SHANK2: variants seen among roughly 807,000 people sequenced by gnomAD.
SHANK2 encodes the protein SH3 and multiple ankyrin repeat domains 2.
In SHANK2, 43 loss-of-function variants were observed where a neutral mutation model predicts 133.7. That is an observed-to-expected ratio of 0.32 (90% CI 0.25 to 0.41). The LOEUF is 0.41. SHANK2 is among the 10% of genes least tolerant of loss of function. The pLI is 1.00. For synonymous variants in SHANK2, 1,017 were observed against 952.8 expected, an observed-to-expected ratio of 1.07 and a Z score of -1.24; for missense variants, 1,994 against 2,235.8, an observed-to-expected ratio of 0.89 and a Z score of 2.18.
chr11:70,810,416 C>T (rs559188893), intron 12 of SHANK2, among the ~76,000 whole-genome samples: 1 of 152,352 alleles, frequency 6.6e-6, no homozygotes, highest in South Asian at 2.1e-4. Flanking sequence ...TCACGGCTGT[C>T]TCCTCTCTGG....
chr11:70,510,376 G>A (rs1554969112), intron 17 of SHANK2, among the ~76,000 whole-genome samples: 1 of 152,190 alleles, frequency 6.6e-6, no homozygotes, highest in Non-Finnish European at 1.5e-5. Context: ...GGCAGTGCAG[G>A]CTGGAGGCCA....
intron 17 of SHANK2, among the ~76,000 whole-genome samples, chr11:70,643,517 T>A (rs1019238537): frequency 7.1e-6 from 1 of 140,428 alleles, no homozygotes; most frequent in African/African-American, 2.7e-5. Flanking sequence ...TGAGCTGAGA[T>A]CACGCGCCAC....
intron 17 of SHANK2, among the ~76,000 whole-genome samples, chr11:70,595,843 AC>A (rs2060392271): frequency 6.6e-6 from 1 of 152,260 alleles, no homozygotes; most frequent in African/African-American, 2.4e-5. Context: ...TGATTTGGAC[AC>A]GGGGTCTTTG....
intron 2 of SHANK2, among the ~76,000 whole-genome samples, chr11:71,162,697 T>G (rs1953045405): frequency 6.6e-6 from 1 of 152,120 alleles, no homozygotes; most frequent in Non-Finnish European, 1.5e-5. Flanking sequence ...TCTTCACCTA[T>G]CTATAGCCCA....
chr11:71,110,509 G>A (rs1005282985), intron 5 of SHANK2, among the ~76,000 whole-genome samples: 1 of 152,146 alleles, frequency 6.6e-6, no homozygotes, highest in Non-Finnish European at 1.5e-5. Context: ...GGAGGCTGAG[G>A]CAGGAGGATC....
intron 10 of SHANK2, among the ~76,000 whole-genome samples, chr11:71,055,758 G>A (rs1201339415): frequency 7.3e-6 from 1 of 137,244 alleles, no homozygotes; most frequent in Non-Finnish European, 1.6e-5. Flanking sequence ...GCAAAGTCAT[G>A]AGTGGTTTTC....
chr11:71,185,911 G>A lies in SHANK2; in HGVS notation c.-12-38573C>T, dbSNP rs138438570. Among the ~76,000 whole-genome samples the A allele has an allele frequency of 1.7e-3, 256 of 152,308 alleles. 1 individual carries two copies. The highest frequency in any genetic ancestry group is 6.0e-3 in the African/African-American group (249 of 41,570). On this transcript the variant is annotated intron_variant, in intron 2 of 25. Coordinates refer to ENST00000601538, the MANE Select transcript of SHANK2 (RefSeq NM_012309.5). ...AGCAACCCCAGAGCCTGGAGAGGGA[G>A]GGGGACATTAACAGTCTTGCCTGTC...
intron 2 of SHANK2, among the ~76,000 whole-genome samples, chr11:71,180,893 C>T (rs1397061023): frequency 2.6e-5 from 4 of 152,036 alleles, no homozygotes; most frequent in Non-Finnish European, 4.4e-5. Flanking sequence ...CCAACGCCCA[C>T]GAGGCACAGC....
At chr11:70,749,308 G>A (rs148835261) in intron 14 of SHANK2, among the ~76,000 whole-genome samples, 1 of 152,344 alleles carries the variant, frequency 6.6e-6, no homozygotes, top group East Asian at 1.9e-4. Flanking sequence ...CCCGAAGCAC[G>A]CATGTGTAGG....
intron 6 of SHANK2, among the ~76,000 whole-genome samples, chr11:71,097,750 T>A (rs1174802406): frequency 7.7e-6 from 1 of 129,660 alleles, no homozygotes; most frequent in Non-Finnish European, 1.6e-5. Context: ...CAATGGGGGG[T>A]GGGGTGGGGG....
At chr11:70,496,754 G>A (rs1252732777) in intron 21 of SHANK2, among the ~76,000 whole-genome samples, 7 of 152,246 alleles carry the variant, frequency 4.6e-5, no homozygotes, top group African/African-American at 1.7e-4. Flanking sequence ...GCCATGTGAT[G>A]GGCTGCCCAG....
chr11:71,143,540 T>A (rs1380679304), intron 3 of SHANK2, among the ~76,000 whole-genome samples: 2 of 152,192 alleles, frequency 1.3e-5, no homozygotes, highest in Admixed American at 6.5e-5. Context: ...TGGAATGTCA[T>A]TCTCACATTG....
At chr11:71,074,177 G>A (rs918502049) in intron 9 of SHANK2, among the ~76,000 whole-genome samples, 1 of 152,208 alleles carries the variant, frequency 6.6e-6, no homozygotes, top group Admixed American at 6.5e-5. Context: ...GATGCCCCCT[G>A]CAAGGCCTTC....
chr11:70,500,419 C>T lies in SHANK2; in HGVS notation c.2308+151G>A. On this transcript the variant is annotated intron_variant, in intron 21 of 25. Coordinates refer to ENST00000601538, the MANE Select transcript of SHANK2 (RefSeq NM_012309.5). The surrounding 1 kb of genome is among the most constrained non-coding windows in gnomAD (Gnocchi z 4.5). ...AAAGAACAGACAGATGAATGTGCTCCAGGGCGGCAGGGCTCCTCGGGCAGG... is the reference window on the plus strand; with the variant it reads ...AAAGAACAGACAGATGAATGTGCTCTAGGGCGGCAGGGCTCCTCGGGCAGG... The T allele has an allele frequency of 1.0e-6, 1 of 977,194 alleles. No individual in the cohort carries two copies. The highest frequency in any genetic ancestry group is 1.6e-6 in the Non-Finnish European group (1 of 634,232). 60.5% of individuals were successfully genotyped at this position (977,194 alleles called of 1,614,324 possible).
intron 10 of SHANK2, among the ~76,000 whole-genome samples, chr11:70,907,307 C>T (rs1029456572): frequency 2.6e-5 from 4 of 152,068 alleles, no homozygotes; most frequent in Admixed American, 6.5e-5. Context: ...GGAGCAGGTC[C>T]AGCCCTCAGC....
intron 10 of SHANK2, among the ~76,000 whole-genome samples, chr11:70,927,710 T>C (rs1271943278): frequency 6.6e-6 from 1 of 152,164 alleles, no homozygotes; most frequent in Non-Finnish European, 1.5e-5. Flanking sequence ...GAGTAAACTG[T>C]TATTTCTGGG....
chr11:70,702,427 CCATCACCACCAACAT>C (rs1287079266), intron 14 of SHANK2, among the ~76,000 whole-genome samples: 8 of 151,868 alleles, frequency 5.3e-5, no homozygotes, highest in East Asian at 1.9e-4. Context: ...ATCATCACCA[CCATCACCACCAACAT>C]CATCACCACC....
rs1442551139 is a variant in SHANK2 at position 70,659,833 on chromosome 11, T to C, written c.2056A>G (p.Ile686Val). Residue 686 changes from isoleucine (I) to valine (V), a missense_variant, in exon 17 of 26, where the codon ATT (isoleucine) becomes GTT (valine). Coordinates refer to ENST00000601538, the MANE Select transcript of SHANK2 (RefSeq NM_012309.5). Reference sequence around the variant, plus strand: ...ACAGACACCTGTGTCCCTACCTCAATCAAGAAGTCCCCGGTCCTTAGTCCG... The same window carrying C: ...ACAGACACCTGTGTCCCTACCTCAACCAAGAAGTCCCCGGTCCTTAGTCCG... The part of the protein sequence containing the change: ...QAGLRTGDFL[I>V]EVNNENVVKV... 6 of 1,613,872 alleles carry C rather than the reference T, an allele frequency of 3.7e-6. No individual in the cohort carries two copies. Among genetic ancestry groups the C allele is most frequent in the Non-Finnish European group, 5.1e-6 (6 of 1,179,998 alleles).
chr11:70,910,508 G>A (rs782514112), intron 10 of SHANK2, among the ~76,000 whole-genome samples: 2 of 152,112 alleles, frequency 1.3e-5, no homozygotes, highest in Admixed American at 6.5e-5. Flanking sequence ...CACACCCACC[G>A]AAAAAGTTGA....
Sources: gnomAD v4.1 joint callset for allele counts (sites outside exome capture counted in the v4.1 genomes callset) on GRCh38, gnomAD v4.1.1 for gene constraint, Gnocchi (gnomAD v3.1) non-coding constraint, MANE v1.5 for transcripts, NCBI Gene and HGNC (gene_info 2026-07-23, HGNC 2026-07-21) for gene names.